Variants in PFKP observed in about 807,000 individuals in gnomAD.
PFKP encodes ATP-dependent 6-phosphofructokinase, platelet type.
Under a neutral mutation model 94.3 loss-of-function variants are expected in PFKP, and 101 were observed. That is an observed-to-expected ratio of 1.07 (90% CI 0.91 to 1.26). PFKP has a LOEUF of 1.26. PFKP is among the 50% of genes most tolerant of loss of function. The probability of loss-of-function intolerance (pLI) is 0.00; values close to 1 mark genes in which losing one functional copy is unlikely to be tolerated. For synonymous variants in PFKP, 573 were observed against 432.6 expected, an observed-to-expected ratio of 1.32 and a Z score of -4.03; for missense variants, 1,145 against 1,103.3, an observed-to-expected ratio of 1.04 and a Z score of -0.53.
In PFKP at chr10:3,136,410, T is replaced by C. The variant is rs1839354041; in HGVS notation, c.2226-40T>C. On this transcript the variant is annotated intron_variant, in intron 21 of 21. Transcript: ENST00000381125. ...GCCAGGCGGAGGCATCTCCCGCCAGTGACTGCAGGCCTCACTGCTGTCTCC... is the reference window on the plus strand; with the variant it reads ...GCCAGGCGGAGGCATCTCCCGCCAGCGACTGCAGGCCTCACTGCTGTCTCC... 4 of 1,606,018 alleles carry C rather than the reference T, an allele frequency of 2.5e-6. No homozygotes were observed. In the East Asian group the frequency reaches 9.0e-5, roughly 36 times the overall value.
At chr10:3,123,884 G>GGCCT (rs1837662079) in intron 16 of PFKP, among the ~76,000 whole-genome samples, 4 of 152,252 alleles carry the variant, frequency 2.6e-5, no homozygotes, top group Non-Finnish European at 4.4e-5. Context: ...GCACGTGCTG[G>GGCCT]GCCTGGGTGG....
chr10:3,118,945 GT>G, intron 15 of PFKP, 76 bp downstream of exon 15: 1 of 1,082,816 alleles, frequency 9.2e-7, no homozygotes, highest in South Asian at 1.4e-5. Context: ...TAAGCTACTT[GT>G]TGGCTACTGG....
rs747022678 is a variant in PFKP at position 3,134,112 on chromosome 10, AATG to A, written c.2023-363_2023-361del. 4.6e-5 allele frequency among the ~76,000 whole-genome samples: 7 copies of A among 152,302 alleles called. No homozygotes were observed. The East Asian group carries it at 7.7e-4, about 17-fold the overall frequency. On this transcript the variant is annotated intron_variant, in intron 19 of 21. Coordinates refer to ENST00000381125, the MANE Select transcript of PFKP (RefSeq NM_002627.5). ...AAGCCAGAGCCCATGAATCCCCTGC[AATG>A]ATGATGAAATAGTAGGCATATGTGT...
chr10:3,103,691 C>T, intron 4 of PFKP, 88 bp from the exon 5 acceptor site: 9 of 1,275,234 alleles, frequency 7.1e-6, no homozygotes, highest in East Asian at 7.0e-5. Context: ...TTTCTCTACC[C>T]ATGGCCATTC....
At position 3,118,864 on chromosome 10, in the gene PFKP, T is replaced by C; in HGVS notation, c.1525T>C (p.Phe509Leu). 1 of 1,611,864 alleles carries C rather than the reference T, an allele frequency of 6.2e-7. No individual in the cohort carries two copies. Among genetic ancestry groups the C allele is most frequent in the Non-Finnish European group, 8.5e-7 (1 of 1,178,362 alleles). The change falls in exon 15 of 22, where the codon TTC (phenylalanine) becomes CTC (leucine). Residue 509 changes from phenylalanine to leucine, a missense_variant. Coordinates refer to ENST00000381125, the MANE Select transcript of PFKP (RefSeq NM_002627.5). ...SINALLIIGG[F>L]EAYLGLLELS... The stretch of plus-strand genomic sequence containing the variant: ...CAACGCGCTGCTGATCATCGGTGGA[T>C]TCGAGGTACGTTACCGTTTCTCTCT...
intron 1 of PFKP, among the ~76,000 whole-genome samples, chr10:3,074,437 G>A (rs1832430638): frequency 1.3e-5 from 2 of 152,234 alleles, no homozygotes; most frequent in Admixed American, 6.5e-5. Flanking sequence ...TGGGAAGCAG[G>A]TGGAGGGAAG....
intron 1 of PFKP, among the ~76,000 whole-genome samples, chr10:3,072,221 T>C (rs1266848398): frequency 6.6e-6 from 1 of 152,260 alleles, no homozygotes; most frequent in African/African-American, 2.4e-5. Context: ...TGTAAACTGT[T>C]AAGACTTCAA....
rs1293430352 is a variant in PFKP, at chr10:3,074,168, C to T, written c.112+6461C>T. On this transcript the variant is annotated intron_variant, in intron 1 of 21. Transcript: ENST00000381125. ...TTTCTGTGTTTCTGTAATCATTGTG[C>T]ATGTTAACAGACTGCCTTGGGTGAG... Among the ~76,000 whole-genome samples, 6 of 152,188 alleles carry T rather than the reference C, an allele frequency of 3.9e-5. 1 individual carries two copies. The highest frequency in any genetic ancestry group is 8.8e-5 in the Non-Finnish European group (6 of 68,042).
intron 2 of PFKP, among the ~76,000 whole-genome samples, chr10:3,086,491 A>AT (rs1181417934): frequency 6.6e-6 from 1 of 152,130 alleles, no homozygotes; most frequent in Admixed American, 6.5e-5. Flanking sequence ...GTTTGGAGGC[A>AT]TTTTTTGATT....
chr10:3,126,733 C>A (rs1837987879), intron 16 of PFKP, among the ~76,000 whole-genome samples: 1 of 152,266 alleles, frequency 6.6e-6, no homozygotes, highest in Admixed American at 6.5e-5. Context: ...TTTTCTTTCA[C>A]CACCAATTTA....
At chr10:3,135,576 TGCTGGCCCCACTGCGCG>T (rs1294380335) in intron 20 of PFKP, among the ~76,000 whole-genome samples, 143 bp from the exon 21 acceptor site, 1 of 152,202 alleles carries the variant, frequency 6.6e-6, no homozygotes, top group Non-Finnish European at 1.5e-5. Context: ...CGAGGCCAGG[TGCTGGCCCCACTGCGCG>T]GCTGTTCTCA....
chr10:3,103,973 G>A lies in PFKP; in HGVS notation c.620+29G>A, dbSNP rs559602565. On this transcript the variant is annotated intron_variant, in intron 5 of 21. Coordinates refer to ENST00000381125, the MANE Select transcript of PFKP (RefSeq NM_002627.5). ...AAGCGCTCAGAGGAACCGGCGGGAG[G>A]CCAGTGGGGCCCGACGTGTGCCCAG... The A allele has an allele frequency of 5.6e-6, 9 of 1,606,298 alleles. No individual in the cohort carries two copies. The Admixed American group carries it at 1.0e-4, about 18-fold the overall frequency.
At chr10:3,109,205 G>A in intron 9 of PFKP, 150 bp from the exon 10 acceptor site, 1 of 999,214 alleles carries the variant, frequency 1.0e-6, no homozygotes, top group South Asian at 1.4e-5. Context: ...CTAAAGGAGT[G>A]GAAATCGCTT....
chr10:3,125,356 T>C, intron 16 of PFKP: 1 of 873,578 alleles, frequency 1.1e-6, no homozygotes, highest in Non-Finnish European at 1.5e-6. Flanking sequence ...TTTCTCCCCT[T>C]TGTTAGCTTG....
chr10:3,133,168 C>G (rs66787824), intron 18 of PFKP, 35 bp from the exon 19 acceptor site: 217,520 of 1,537,068 alleles, frequency 0.14, 16,048 homozygotes, highest in African/African-American at 0.18. Context: ...GCCCACTGCA[C>G]GCTAAACAAA....
At chr10:3,104,505 C>T (rs1835348297) in intron 5 of PFKP, among the ~76,000 whole-genome samples, 1 of 152,232 alleles carries the variant, frequency 6.6e-6, no homozygotes, top group African/African-American at 2.4e-5. Flanking sequence ...TGGGAGAGTG[C>T]CCGAATCCAG....
intron 17 of PFKP, among the ~76,000 whole-genome samples, chr10:3,131,306 G>A (rs930821153): frequency 7.9e-5 from 12 of 151,946 alleles, no homozygotes; most frequent in South Asian, 2.1e-4. Context: ...GGATGTTTGC[G>A]CAAGGCTTAA....
At chr10:3,099,959 C>T (rs1834823668) in intron 3 of PFKP, among the ~76,000 whole-genome samples, 1 of 148,034 alleles carries the variant, frequency 6.8e-6, no homozygotes, top group African/African-American at 2.5e-5. Flanking sequence ...GTGGTGTGCC[C>T]GTGTGTATGT....
At position 3,132,939 on chromosome 10, in the gene PFKP, G is replaced by A. The variant is rs374394117; in HGVS notation, c.1911-264G>A. Among the ~76,000 whole-genome samples, 11 of 152,308 alleles carry A rather than the reference G, an allele frequency of 7.2e-5. No homozygotes were observed. In the East Asian group the frequency reaches 1.2e-3, roughly 16 times the overall value. Reference sequence around the variant, plus strand: ...GCAAGAGAGCACGAGATTTCATCACGCTACTCAGAATGGTGTGCAATTTAA... The same window carrying A: ...GCAAGAGAGCACGAGATTTCATCACACTACTCAGAATGGTGTGCAATTTAA... On this transcript the variant is annotated intron_variant, in intron 18 of 21. Transcript: ENST00000381125.
Sources: allele counts gnomAD v4.1 joint callset (sites outside exome capture counted in the v4.1 genomes callset), GRCh38; gene constraint gnomAD v4.1.1; transcripts MANE v1.5; gene names NCBI Gene and HGNC (gene_info 2026-07-23, HGNC 2026-07-21).